ZNF567: variants seen among roughly 807,000 people sequenced by gnomAD.
ZNF567 encodes zinc finger protein 567.
ZNF567 carries 36 observed loss-of-function variants against 53.9 expected under a neutral mutation model. That is an observed-to-expected ratio of 0.67 (90% CI 0.51 to 0.88). The LOEUF (loss-of-function observed/expected upper bound fraction) is 0.88, where lower values mean the gene tolerates loss of function less well. ZNF567 is among the 40% of genes least tolerant of loss of function. ZNF567 has a pLI of 0.00. For missense variants in ZNF567, 619 were observed against 764.7 expected (o/e 0.81, Z 2.25); for synonymous variants, 224 against 260.4 (o/e 0.86, Z 1.35).
chr19:36,719,498 T>C lies in ZNF567; in HGVS notation c.774T>C (p.Cys258=), dbSNP rs771157800. The change falls in exon 6 of 6, where the codon TGT becomes TGC. Residue 258 remains cysteine (C), a synonymous_variant. Coordinates refer to ENST00000682579, the MANE Select transcript of ZNF567 (RefSeq NM_001322917.1). ...NIEKKHTCNE[C]GKSFCRKSVL... Reference sequence around the variant, plus strand: ...AAAAAAAACATACATGCAATGAATGTGGGAAATCTTTCTGCAGGAAATCAG... The same window carrying C: ...AAAAAAAACATACATGCAATGAATGCGGGAAATCTTTCTGCAGGAAATCAG... 1.9e-6 allele frequency: 3 copies of C among 1,612,976 alleles called. No individual in the cohort carries two copies. The highest frequency in any genetic ancestry group is 2.5e-6 in the Non-Finnish European group (3 of 1,179,764).
intron 1 of ZNF567, 64 bp downstream of exon 1, chr19:36,687,698 T>TGAGGAGG (rs2038321628): frequency 6.6e-6 from 1 of 152,326 alleles, no homozygotes; most frequent in Non-Finnish European, 1.5e-5. Context: ...TAAGGAAGGC[T>TGAGGAGG]GAGGAGGGAG....
chr19:36,672,549 G>A, the ZNF567 span, among the ~76,000 whole-genome samples: 1 of 152,052 alleles, frequency 6.6e-6, no homozygotes, highest in Non-Finnish European at 1.5e-5. Context: ...GTTATGCATG[G>A]GCTCAGCAAC....
rs770305683 is a variant in ZNF567 at position 36,720,665 on chromosome 19, A to G, written c.1941A>G (p.Gln647=). Reference sequence around the variant, plus strand: ...ACAAGGGAGAAAACATTGAAATGCAATAAATGATGTGGTTTCTTATATGAA... The same window carrying G: ...ACAAGGGAGAAAACATTGAAATGCAGTAAATGATGTGGTTTCTTATATGAA... The part of the protein sequence containing the change: ...RTHKGENIEM[Q] The change falls in exon 6 of 6, where the codon CAA becomes CAG. Residue 647 remains glutamine (Q), a synonymous_variant. Coordinates refer to ENST00000682579, the MANE Select transcript of ZNF567 (RefSeq NM_001322917.1). 1 of 1,523,966 alleles carries G rather than the reference A, an allele frequency of 6.6e-7. No individual in the cohort carries two copies. Among genetic ancestry groups the G allele is most frequent in the African/African-American group, 1.4e-5 (1 of 71,840 alleles). 94.4% of individuals were successfully genotyped at this position (1,523,966 alleles called of 1,614,324 possible). A position where few individuals can be genotyped will look rare whatever the true frequency, so the allele number is the denominator to read the frequency against.
chr19:36,684,203 A>C (rs539292670), upstream of ZNF567, among the ~76,000 whole-genome samples: 87 of 152,358 alleles, frequency 5.7e-4, no homozygotes, highest in African/African-American at 2.1e-3. Flanking sequence ...AGTAGATTTC[A>C]AAACAATTGT....
At chr19:36,724,070 G>A (rs149493232), downstream of ZNF567, among the ~76,000 whole-genome samples, 672 of 140,262 alleles carry the variant, frequency 4.8e-3, 7 homozygotes, top group East Asian at 0.064. Flanking sequence ...GCAATGGTGC[G>A]ATCTCGGCTC....
chr19:36,693,782 C>T (rs1210927777), intron 2 of ZNF567, among the ~76,000 whole-genome samples: 1 of 152,032 alleles, frequency 6.6e-6, no homozygotes, highest in East Asian at 1.9e-4. Context: ...ATAAAGATGG[C>T]AGTTTTGATG....
In ZNF567 at chr19:36,720,809, A is replaced by G. The variant is rs2040275688; in HGVS notation, c.*141A>G. The G allele has an allele frequency of 4.4e-6, 3 of 685,908 alleles. No homozygotes were observed. The highest frequency in any genetic ancestry group is 6.6e-6 in the Non-Finnish European group (3 of 456,802). 42.5% of individuals were successfully genotyped at this position (685,908 alleles called of 1,614,324 possible). Reference sequence around the variant, plus strand: ...AAAGTACCATACGGAATAACTGTCTACTGTTTACTAGCATATAAAATAAGT... The same window carrying G: ...AAAGTACCATACGGAATAACTGTCTGCTGTTTACTAGCATATAAAATAAGT... On this transcript the variant is annotated 3_prime_UTR_variant, in exon 6 of 6. Coordinates refer to ENST00000682579, the MANE Select transcript of ZNF567 (RefSeq NM_001322917.1).
rs1182455601 is a variant in ZNF567, at chr19:36,719,291, A to G, written c.567A>G (p.Arg189=). ...PEVKSHNQSA[R]AFSHNEVLMQ... ...TCAAATCCCATAATCAAAGTGCCAG[A>G]GCTTTCAGTCATAATGAAGTTCTTA... Residue 189 remains arginine (R), a synonymous_variant, in exon 6 of 6, where the codon AGA becomes AGG. Transcript: ENST00000682579. 1 of 1,614,048 alleles carries G rather than the reference A, an allele frequency of 6.2e-7. No homozygotes were observed. Among genetic ancestry groups the G allele is most frequent in the South Asian group, 1.1e-5 (1 of 91,058 alleles).
At chr19:36,682,252 C>T in the ZNF567 span, among the ~76,000 whole-genome samples, 1 of 137,166 alleles carries the variant, frequency 7.3e-6, no homozygotes, top group African/African-American at 2.8e-5. Context: ...CACTGTCACT[C>T]TAGCCTGGAG....
downstream of ZNF567, chr19:36,726,979 T>TC (rs1410631026): frequency 7.0e-4 from 64 of 91,576 alleles, no homozygotes; most frequent in African/African-American, 2.7e-3. Flanking sequence ...TTTCTTTCTT[T>TC]CTTTTTCTTT....
the ZNF567 span, among the ~76,000 whole-genome samples, chr19:36,682,543 A>G: frequency 1.3e-5 from 2 of 150,350 alleles, no homozygotes; most frequent in African/African-American, 4.9e-5. Flanking sequence ...GGGATGTTGG[A>G]AAGTTTCTAT....
chr19:36,684,324 C>CT (rs2038230325), upstream of ZNF567, among the ~76,000 whole-genome samples: 1 of 152,014 alleles, frequency 6.6e-6, no homozygotes, highest in South Asian at 2.1e-4. Context: ...TTACTTTAAG[C>CT]TTTTTTTAAT....
At chr19:36,707,694 C>T (rs1188544646) in intron 3 of ZNF567, among the ~76,000 whole-genome samples, 1 of 152,118 alleles carries the variant, frequency 6.6e-6, no homozygotes, top group Non-Finnish European at 1.5e-5. Context: ...TCTCCTGCCT[C>T]AGCCTCCTGA....
chr19:36,674,789 T>A, the ZNF567 span, among the ~76,000 whole-genome samples: 7 of 152,142 alleles, frequency 4.6e-5, no homozygotes. Context: ...AGTCTCACTC[T>A]GTTGCCCAGG....
chr19:36,685,262 T>A (rs2038243235), upstream of ZNF567, among the ~76,000 whole-genome samples: 1 of 152,194 alleles, frequency 6.6e-6, no homozygotes, highest in East Asian at 1.9e-4. Flanking sequence ...CACTCCAGCC[T>A]GGGCGACAGA....
chr19:36,686,628 CCTA>C (rs1238910555), upstream of ZNF567: 1 of 152,138 alleles, frequency 6.6e-6, no homozygotes, highest in Non-Finnish European at 1.5e-5. Context: ...AGGAAGGAAT[CCTA>C]CTCCTAGGTT....
In ZNF567 at chr19:36,690,674, CT is replaced by C. The variant is rs1420399531; in HGVS notation, c.-67+1181del. Among the ~76,000 whole-genome samples, 26 of 152,270 alleles carry C rather than the reference CT, an allele frequency of 1.7e-4. No individual in the cohort carries two copies. The East Asian group carries it at 5.0e-3, about 29-fold the overall frequency. ...AATGATCTTAAATTTGGCATGCATT[CT>C]TTTGGAGTTTCTTTCATGGTGATTG... is the stretch of plus-strand genomic sequence containing the variant. On this transcript the variant is annotated intron_variant, in intron 2 of 5. Coordinates refer to ENST00000682579, the MANE Select transcript of ZNF567 (RefSeq NM_001322917.1).
intron 5 of ZNF567, 78 bp from the exon 6 acceptor site, chr19:36,718,870 G>T (rs2040186166): frequency 3.3e-6 from 4 of 1,226,230 alleles, no homozygotes; most frequent in Non-Finnish European, 4.6e-6. Context: ...TGCGCCATGT[G>T]CTAGACCCTA....
chr19:36,712,981 A>T (rs2039866710), intron 5 of ZNF567, 114 bp downstream of exon 5: 1 of 772,704 alleles, frequency 1.3e-6, no homozygotes, highest in African/African-American at 1.8e-5. Flanking sequence ...AAGGCTCTTG[A>T]CCTCTGAAAA....
Sources: gnomAD v4.1 joint callset for allele counts (sites outside exome capture counted in the v4.1 genomes callset) on GRCh38, gnomAD v4.1.1 for gene constraint, MANE v1.5 for transcripts, NCBI Gene and HGNC (gene_info 2026-07-23, HGNC 2026-07-21) for gene names.